ZBTB20: variants seen among roughly 807,000 people sequenced by gnomAD.
ZBTB20 encodes zinc finger and BTB domain-containing protein 20.
ZBTB20 carries 9 observed loss-of-function variants against 56.9 expected under a neutral mutation model. The ratio of observed to expected loss-of-function variants is 0.16; its 90% CI spans 0.10 to 0.28. The LOEUF is 0.28. Ranked by LOEUF, ZBTB20 falls within the 10% of genes least tolerant of loss-of-function variation. The pLI, the probability that ZBTB20 is intolerant of heterozygous loss-of-function variation, is 1.00. For missense variants in ZBTB20, 655 were observed against 1,003.0 expected (o/e 0.65, Z 4.69); for synonymous variants, 417 against 420.7 (o/e 0.99, Z 0.11).
intron 6 of ZBTB20, among the ~76,000 whole-genome samples, chr3:114,662,343 T>C (rs1332812535): frequency 6.7e-5 from 10 of 148,664 alleles, no homozygotes; most frequent in Non-Finnish European, 1.4e-4. Flanking sequence ...TTTGCTATTG[T>C]GAATAATGCC....
chr3:114,830,775 A>T (rs528454662), intron 4 of ZBTB20, among the ~76,000 whole-genome samples: 2 of 152,086 alleles, frequency 1.3e-5, no homozygotes, highest in African/African-American at 4.8e-5. Context: ...CATATTTTAC[A>T]ATATAATTTC....
chr3:114,759,280 T>C (rs945629060), intron 5 of ZBTB20: 1 of 152,106 alleles, frequency 6.6e-6, no homozygotes, highest in African/African-American at 2.4e-5. Context: ...ATTGCTATGA[T>C]TCAGACAGAT....
chr3:114,438,185 T>C (rs1317363946), intron 7 of ZBTB20, among the ~76,000 whole-genome samples: 2 of 152,022 alleles, frequency 1.3e-5, no homozygotes, highest in African/African-American at 2.4e-5. Flanking sequence ...GGTGGGGGTC[T>C]GAGAGAGGCA....
intron 10 of ZBTB20, among the ~76,000 whole-genome samples, chr3:114,358,907 T>TGTGAATA (rs2081518920): frequency 6.6e-6 from 1 of 152,178 alleles, no homozygotes; most frequent in Admixed American, 6.5e-5. Context: ...TTGTGGAGCC[T>TGTGAATA]GTGAATATCA....
intron 7 of ZBTB20, among the ~76,000 whole-genome samples, chr3:114,487,513 G>A (rs1176777080): frequency 2.0e-5 from 3 of 152,092 alleles, no homozygotes; most frequent in Non-Finnish European, 4.4e-5. Flanking sequence ...GCCAAAGAGG[G>A]GGAAAAATGC....
intron 7 of ZBTB20, among the ~76,000 whole-genome samples, chr3:114,491,163 C>A (rs767656681): frequency 1.7e-4 from 26 of 152,182 alleles, no homozygotes; most frequent in South Asian, 6.2e-4. Flanking sequence ...CAGCTAGAAC[C>A]AAAACAAGAA....
At chr3:114,743,050 A>G (rs554862641) in intron 5 of ZBTB20, among the ~76,000 whole-genome samples, 61 of 152,300 alleles carry the variant, frequency 4.0e-4, no homozygotes, top group African/African-American at 1.4e-3. Flanking sequence ...GAAGTAATAT[A>G]CAAGTGACAA....
At chr3:114,466,422 C>T (rs1295323311) in intron 7 of ZBTB20, among the ~76,000 whole-genome samples, 1 of 152,192 alleles carries the variant, frequency 6.6e-6, no homozygotes, top group African/African-American at 2.4e-5. Flanking sequence ...TGGACCTTTT[C>T]CTATCTGTTG....
intron 4 of ZBTB20, among the ~76,000 whole-genome samples, chr3:114,831,925 A>C (rs954545475): frequency 5.3e-5 from 8 of 152,088 alleles, no homozygotes; most frequent in African/African-American, 1.9e-4. Flanking sequence ...GACCCTGCTT[A>C]AATTTCATTA....
At chr3:114,687,145 T>C (rs757170964) in intron 6 of ZBTB20, 8 of 151,718 alleles carry the variant, frequency 5.3e-5, no homozygotes, top group Admixed American at 2.0e-4. Flanking sequence ...GACCAGTAAA[T>C]GTAAATTAAC....
intron 5 of ZBTB20, among the ~76,000 whole-genome samples, chr3:114,739,149 G>C: frequency 6.6e-6 from 1 of 152,126 alleles, no homozygotes; most frequent in Non-Finnish European, 1.5e-5. Flanking sequence ...AAGAGGTGCT[G>C]CTATAATGAA....
At chr3:114,618,167 A>T (rs146527323) in intron 6 of ZBTB20, among the ~76,000 whole-genome samples, 4 of 151,836 alleles carry the variant, frequency 2.6e-5, no homozygotes, top group East Asian at 3.9e-4. Context: ...AATATTTATT[A>T]ATAAATGAAT....
intron 4 of ZBTB20, among the ~76,000 whole-genome samples, chr3:114,855,491 T>C (rs760327972): frequency 1.3e-4 from 20 of 152,218 alleles, no homozygotes; most frequent in Admixed American, 2.6e-4. Flanking sequence ...AAAGGTATTA[T>C]GGAGATGGTT....
chr3:114,336,940 A>G lies in ZBTB20; in HGVS notation c.*2065T>C, dbSNP rs1262271047. 2 of 152,208 alleles carry G rather than the reference A, an allele frequency of 1.3e-5. No individual in the cohort carries two copies. The highest frequency in any genetic ancestry group is 2.9e-5 in the Non-Finnish European group (2 of 68,024). The allele number at this position is 152,208 out of a possible 1,614,324, so 9.4% of individuals were successfully genotyped here. The stretch of plus-strand genomic sequence containing the variant: ...GTTTCAGCTAGGTTTAAGAATTCCT[A>G]TATTTGAGCTGGAATCCCTTCAGGA... On this transcript the variant is annotated 3_prime_UTR_variant, in exon 12 of 12. Transcript: ENST00000675478.
chr3:114,763,684 T>C (rs2068594651), intron 5 of ZBTB20, among the ~76,000 whole-genome samples: 1 of 152,134 alleles, frequency 6.6e-6, no homozygotes, highest in African/African-American at 2.4e-5. Flanking sequence ...ATAGAGATTA[T>C]TACAAAATCT....
intron 6 of ZBTB20, among the ~76,000 whole-genome samples, chr3:114,679,522 CAT>C (rs2061838354): frequency 6.6e-6 from 1 of 152,018 alleles, no homozygotes. Flanking sequence ...GGCCAAAAAA[CAT>C]ATGAAAAAAA....
At chr3:114,690,604 A>G (rs1039896193) in intron 6 of ZBTB20, among the ~76,000 whole-genome samples, 4 of 152,202 alleles carry the variant, frequency 2.6e-5, no homozygotes, top group African/African-American at 9.6e-5. Context: ...AGAATAAACT[A>G]GAGCAATAAT....
At chr3:114,536,087 C>T (rs930433239) in intron 6 of ZBTB20, among the ~76,000 whole-genome samples, 1 of 152,182 alleles carries the variant, frequency 6.6e-6, no homozygotes, top group Admixed American at 6.5e-5. Flanking sequence ...AAAACTAGCA[C>T]AAGACAAGGA....
chr3:114,463,426 G>C (rs1402528643), intron 7 of ZBTB20, among the ~76,000 whole-genome samples: 1 of 152,052 alleles, frequency 6.6e-6, no homozygotes, highest in Admixed American at 6.6e-5. Context: ...ATTTCCTTTA[G>C]GTCCCTATAG....
Sources: gnomAD v4.1 joint callset for allele counts (sites outside exome capture counted in the v4.1 genomes callset) on GRCh38, gnomAD v4.1.1 for gene constraint, MANE v1.5 for transcripts, NCBI Gene and HGNC (gene_info 2026-07-23, HGNC 2026-07-21) for gene names.